Variants in SCRG1 observed in about 807,000 individuals in gnomAD.
The protein encoded by SCRG1 is scrapie-responsive protein 1.
Under a neutral mutation model 7.7 loss-of-function variants are expected in SCRG1, and 3 were observed. That is an observed-to-expected ratio of 0.39 (90% confidence interval 0.18 to 1.01). SCRG1 has a LOEUF of 1.01. Among genes scored for constraint, SCRG1 ranks in the 50% least tolerant of loss-of-function variants. The pLI is 0.36. For synonymous variants in SCRG1, 46 were observed against 41.2 expected, an observed-to-expected ratio of 1.12 and a Z score of -0.44; for missense variants, 110 against 117.2, an observed-to-expected ratio of 0.94 and a Z score of 0.28.
the SCRG1 span, among the ~76,000 whole-genome samples, chr4:173,433,422 A>G: frequency 6.6e-6 from 1 of 152,236 alleles, no homozygotes; most frequent in Non-Finnish European, 1.5e-5. Context: ...TGTTGTGTTT[A>G]CCAATGCAAG....
the SCRG1 span, among the ~76,000 whole-genome samples, chr4:173,448,122 A>C: frequency 6.6e-6 from 1 of 152,102 alleles, no homozygotes; most frequent in African/African-American, 2.4e-5. Context: ...AACCAACCAA[A>C]CAAACCAAAA....
chr4:173,484,771 T>TATATTATATGCATATAATACATATTAA, the SCRG1 span, among the ~76,000 whole-genome samples: 2 of 93,564 alleles, frequency 2.1e-5, no homozygotes, highest in Non-Finnish European at 3.7e-5. Context: ...ATACATATTA[T>TATATTATATGCATATAATACATATTAA]ATATTATATA....
Position 173,388,163 on chromosome 4 carries a change from T to C in SCRG1, c.*178A>G, listed in dbSNP as rs1739294081. ...GCCAACAATGTCCACAGAGAAAAAT[T>C]AGATTGAATTAACTTTTATTACTAC... On this transcript the variant is annotated 3_prime_UTR_variant, in exon 3 of 3. Transcript: ENST00000296506. 4 of 468,754 alleles carry C rather than the reference T, an allele frequency of 8.5e-6. No homozygotes were observed. The South Asian group carries it at 2.1e-4, about 25-fold the overall frequency. The allele number at this position is 468,754 out of a possible 1,614,324, so 29.0% of individuals were successfully genotyped here.
At chr4:173,450,429 G>A in the SCRG1 span, among the ~76,000 whole-genome samples, 2 of 152,146 alleles carry the variant, frequency 1.3e-5, no homozygotes, top group Admixed American at 6.5e-5. Context: ...GCGTTCCTGA[G>A]CCACTGCAAA....
At chr4:173,478,751 C>A in the SCRG1 span, among the ~76,000 whole-genome samples, 1 of 152,242 alleles carries the variant, frequency 6.6e-6, no homozygotes, top group African/African-American at 2.4e-5. Context: ...GACCAATATT[C>A]TTGCAGAAGC....
chr4:173,406,767 T>C (rs1739917259), upstream of SCRG1, among the ~76,000 whole-genome samples: 1 of 152,224 alleles, frequency 6.6e-6, no homozygotes, highest in African/African-American at 2.4e-5. Flanking sequence ...CACTTAGCAA[T>C]ATACATTTAA....
upstream of SCRG1, among the ~76,000 whole-genome samples, chr4:173,401,473 G>A (rs1739761034): frequency 6.6e-6 from 1 of 152,142 alleles, no homozygotes; most frequent in South Asian, 2.1e-4. Flanking sequence ...CCTGTAGATG[G>A]ATCCTCTCTT....
chr4:173,494,245 A>G, the SCRG1 span, among the ~76,000 whole-genome samples: 2 of 152,148 alleles, frequency 1.3e-5, no homozygotes, highest in Non-Finnish European at 2.9e-5. Context: ...GATGCGGTAG[A>G]TTGGCACCTT....
At chr4:173,419,690 G>C in the SCRG1 span, 1 of 832,138 alleles carries the variant, frequency 1.2e-6, no homozygotes, top group Non-Finnish European at 2.1e-6. Context: ...TCCCTTCGGG[G>C]CACCAAACAC....
chr4:173,478,814 A>G, the SCRG1 span, among the ~76,000 whole-genome samples: 2 of 152,236 alleles, frequency 1.3e-5, no homozygotes, highest in South Asian at 4.1e-4. Flanking sequence ...AAGAAACAAA[A>G]ACAAATGAAA....
rs1186253081 is a variant in SCRG1, at chr4:173,385,273, A to G, written c.*3068T>C. ...CATTTGAGGCCAGGAGTTGGAGACC[A>G]GCCTGTCCAACATGGCAAAACCTCA... On this transcript the variant is annotated 3_prime_UTR_variant, in exon 3 of 3. Coordinates refer to ENST00000296506, the MANE Select transcript of SCRG1 (RefSeq NM_007281.4). 1 of 152,198 alleles carries G rather than the reference A, an allele frequency of 6.6e-6. No individual in the cohort carries two copies. Among genetic ancestry groups the G allele is most frequent in the Non-Finnish European group, 1.5e-5 (1 of 68,048 alleles). The allele number at this position is 152,198 out of a possible 1,614,324, so 9.4% of individuals were successfully genotyped here. A position where few individuals can be genotyped will look rare whatever the true frequency, so the allele number is the denominator to read the frequency against.
the SCRG1 span, among the ~76,000 whole-genome samples, chr4:173,416,572 T>C: frequency 6.6e-6 from 1 of 152,218 alleles, no homozygotes; most frequent in African/African-American, 2.4e-5. Context: ...GAGCTATGAT[T>C]GCATCACTGC....
upstream of SCRG1, among the ~76,000 whole-genome samples, chr4:173,410,023 C>A (rs1553965396): frequency 6.6e-6 from 1 of 152,150 alleles, no homozygotes; most frequent in Non-Finnish European, 1.5e-5. Context: ...TTACCGAGTG[C>A]TAAAGATCCT....
chr4:173,496,946 A>G, the SCRG1 span, among the ~76,000 whole-genome samples: 2 of 151,994 alleles, frequency 1.3e-5, no homozygotes, highest in Admixed American at 6.6e-5. Context: ...CTCTACTAAA[A>G]ATACAAAAAA....
At chr4:173,488,383 G>A in the SCRG1 span, among the ~76,000 whole-genome samples, 1 of 152,124 alleles carries the variant, frequency 6.6e-6, no homozygotes, top group Non-Finnish European at 1.5e-5. Flanking sequence ...TGGACACTAT[G>A]GGCATGCAGG....
At chr4:173,476,423 G>T in the SCRG1 span, among the ~76,000 whole-genome samples, 48,388 of 144,314 alleles carry the variant, frequency 0.34, 8,554 homozygotes, top group South Asian at 0.48. Context: ...GCCTCATAAG[G>T]ATTGAATTTG....
chr4:173,512,497 C>A, the SCRG1 span, among the ~76,000 whole-genome samples: 2 of 152,236 alleles, frequency 1.3e-5, no homozygotes, highest in East Asian at 3.8e-4. Context: ...AGTGCACACG[C>A]AGAGAAAGTA....
At chr4:173,447,022 T>C in the SCRG1 span, among the ~76,000 whole-genome samples, 4 of 152,264 alleles carry the variant, frequency 2.6e-5, no homozygotes, top group Non-Finnish European at 5.9e-5. Flanking sequence ...AGAAAATTTT[T>C]ATCTGCCACT....
the SCRG1 span, chr4:173,469,286 CT>C: frequency 1.3e-5 from 2 of 151,916 alleles, no homozygotes; most frequent in African/African-American, 4.8e-5. Context: ...TCAATTAAAT[CT>C]TTTTAGGATT....
Sources: allele counts gnomAD v4.1 joint callset (sites outside exome capture counted in the v4.1 genomes callset), GRCh38; gene constraint gnomAD v4.1.1; transcripts MANE v1.5; gene names NCBI Gene and HGNC (gene_info 2026-07-23, HGNC 2026-07-21).